Variants in RBFOX1 observed in about 807,000 individuals in gnomAD.
RBFOX1 encodes the protein RNA binding protein fox-1 homolog 1.
Under a neutral mutation model 57.7 loss-of-function variants are expected in RBFOX1, and 8 were observed. The ratio of observed to expected loss-of-function variants is 0.14; its 90% CI spans 0.08 to 0.25. The LOEUF (loss-of-function observed/expected upper bound fraction) is 0.25. Ranked by LOEUF, RBFOX1 falls within the 10% of genes least tolerant of loss-of-function variation. RBFOX1 has a pLI of 1.00. For synonymous variants in RBFOX1, 326 were observed against 222.4 expected, an observed-to-expected ratio of 1.47 and a Z score of -4.15; for missense variants, 611 against 548.5, an observed-to-expected ratio of 1.11 and a Z score of -1.14.
At chr16:6,942,985 C>T (rs1421988110) in intron 3 of RBFOX1, among the ~76,000 whole-genome samples, 3 of 152,156 alleles carry the variant, frequency 2.0e-5, no homozygotes, top group South Asian at 2.1e-4. Flanking sequence ...TTGAAAAAAG[C>T]AAAATGGATC....
intron 13 of RBFOX1, among the ~76,000 whole-genome samples, chr16:7,673,759 G>T (rs1327350033): frequency 6.6e-6 from 1 of 152,164 alleles, no homozygotes; most frequent in East Asian, 1.9e-4. Flanking sequence ...ATATTTTGCT[G>T]CCCATCCTGT....
intron 4 of RBFOX1, among the ~76,000 whole-genome samples, chr16:7,508,089 C>A (rs759920994): frequency 6.6e-6 from 1 of 151,914 alleles, no homozygotes; most frequent in African/African-American, 2.4e-5. Context: ...CGGGTTCAAG[C>A]GATTCTCGTG....
chr16:6,648,241 T>G (rs2098549716), intron 2 of RBFOX1, among the ~76,000 whole-genome samples: 1 of 151,978 alleles, frequency 6.6e-6, no homozygotes, highest in East Asian at 1.9e-4. Context: ...TTATTTTTTT[T>G]GTAGAGACAC....
chr16:5,883,631 A>G (rs540388001), intron 4 of RBFOX1, among the ~76,000 whole-genome samples: 4 of 152,286 alleles, frequency 2.6e-5, no homozygotes, highest in East Asian at 1.9e-4. Flanking sequence ...GGCTGAGAGC[A>G]TGCTTGAGGC....
At chr16:6,535,047 T>G (rs935181222) in intron 2 of RBFOX1, among the ~76,000 whole-genome samples, 1 of 152,198 alleles carries the variant, frequency 6.6e-6, no homozygotes, top group African/African-American at 2.4e-5. Context: ...AGCATTGGAT[T>G]CCGCATCCTG....
chr16:6,300,275 A>G lies in RBFOX1; in HGVS notation c.-126-16720A>G, dbSNP rs562630161. Among the ~76,000 whole-genome samples, 24 of 152,338 alleles carry G rather than the reference A, an allele frequency of 1.6e-4. No individual in the cohort carries two copies. In the South Asian group the frequency reaches 4.6e-3, roughly 29 times the overall value. ...AATTCAAGAGACCTATGGTACAACT[A>G]TAGTTAGTAACAATGTATATACTTG... On this transcript the variant is annotated intron_variant, in intron 1 of 15. Transcript: ENST00000550418.
chr16:5,897,974 C>G (rs1015250918), intron 4 of RBFOX1, among the ~76,000 whole-genome samples: 1 of 151,964 alleles, frequency 6.6e-6, no homozygotes, highest in Admixed American at 6.6e-5. Flanking sequence ...GGTTTGCTCT[C>G]AGGCTGCTAA....
At chr16:7,523,720 C>T (rs540273806) in intron 5 of RBFOX1, among the ~76,000 whole-genome samples, 3 of 152,160 alleles carry the variant, frequency 2.0e-5, no homozygotes, top group African/African-American at 7.2e-5. Context: ...TGGGTAAGTG[C>T]GGGAATCATA....
chr16:7,396,818 G>T (rs1196302696), intron 4 of RBFOX1, among the ~76,000 whole-genome samples: 1 of 152,128 alleles, frequency 6.6e-6, no homozygotes, highest in African/African-American at 2.4e-5. Flanking sequence ...GTGTGCTCCT[G>T]TAATCCCAGC....
At chr16:7,341,693 ACCTTCCTTCCTTCCTTCCTTCCTTCCCTC>A (rs1195087453) in intron 4 of RBFOX1, among the ~76,000 whole-genome samples, 1 of 144,576 alleles carries the variant, frequency 6.9e-6, no homozygotes, top group Non-Finnish European at 1.5e-5. Flanking sequence ...CAATGGTCCT[ACCTTCCTTCCTTCCTTCCTTCCTTCCCTC>A]CCTCCCTCCC....
intron 2 of RBFOX1, among the ~76,000 whole-genome samples, chr16:6,621,591 C>A (rs1369751223): frequency 1.3e-5 from 2 of 152,198 alleles, no homozygotes; most frequent in Non-Finnish European, 2.9e-5. Context: ...AGGTCACATT[C>A]TCAGGTACCA....
At chr16:6,244,232 C>A (rs942495826) in intron 1 of RBFOX1, among the ~76,000 whole-genome samples, 2 of 151,758 alleles carry the variant, frequency 1.3e-5, no homozygotes, top group African/African-American at 4.8e-5. Flanking sequence ...TATATCCCTC[C>A]TTCCAGCAAA....
intron 1 of RBFOX1, among the ~76,000 whole-genome samples, chr16:6,029,252 A>C (rs991491640): frequency 5.9e-5 from 9 of 152,226 alleles, no homozygotes; most frequent in African/African-American, 2.2e-4. Flanking sequence ...TTGTCTGTGT[A>C]AACCTAAAAT....
At chr16:6,552,557 T>C (rs1271344709) in intron 2 of RBFOX1, among the ~76,000 whole-genome samples, 1 of 152,222 alleles carries the variant, frequency 6.6e-6, no homozygotes, top group Non-Finnish European at 1.5e-5. Context: ...CAGTGTTGTG[T>C]GCATTGATGG....
intron 1 of RBFOX1, among the ~76,000 whole-genome samples, chr16:5,461,203 A>G (rs75951119): frequency 0.012 from 1,874 of 152,182 alleles, 52 homozygotes; most frequent in African/African-American, 0.043. Context: ...CCAGCAGAGA[A>G]TGGCTGCATC....
chr16:6,335,796 A>G (rs1267914108), intron 2 of RBFOX1, among the ~76,000 whole-genome samples: 3 of 149,466 alleles, frequency 2.0e-5, no homozygotes, highest in East Asian at 3.9e-4. Context: ...AAAAAGAAAA[A>G]AAAAAGAAAA....
intron 2 of RBFOX1, among the ~76,000 whole-genome samples, chr16:5,565,776 G>A (rs1035121706): frequency 1.3e-5 from 2 of 152,116 alleles, no homozygotes; most frequent in African/African-American, 2.4e-5. Context: ...CTAGTAGCCA[G>A]TCTACTTGAG....
At chr16:7,159,899 A>G (rs2077938068) in intron 4 of RBFOX1, among the ~76,000 whole-genome samples, 1 of 152,230 alleles carries the variant, frequency 6.6e-6, no homozygotes, top group South Asian at 2.1e-4. Flanking sequence ...ATTATTGCTA[A>G]TATAGGCACC....
chr16:5,975,815 C>T (rs1725129286), intron 4 of RBFOX1, among the ~76,000 whole-genome samples: 2 of 152,032 alleles, frequency 1.3e-5, no homozygotes, highest in East Asian at 1.9e-4. Flanking sequence ...GGCTAGCGCT[C>T]GACATATAGT....
Sources: allele counts gnomAD v4.1 joint callset (sites outside exome capture counted in the v4.1 genomes callset), GRCh38; gene constraint gnomAD v4.1.1; transcripts MANE v1.5; gene names NCBI Gene and HGNC (gene_info 2026-07-23, HGNC 2026-07-21).